The following SPTAN1 variants were observed in gnomAD, a reference collection of about 807,000 sequenced individuals.
The protein encoded by SPTAN1 is spectrin alpha chain, non-erythrocytic 1.
A neutral mutation model predicts 331.3 loss-of-function variants in SPTAN1; 61 were observed. That is an observed-to-expected ratio of 0.18 (90% CI 0.15 to 0.23). The LOEUF is 0.23. SPTAN1 is among the 10% of genes least tolerant of loss of function. The probability of loss-of-function intolerance (pLI) is 1.00; values close to 1 mark genes in which losing one functional copy is unlikely to be tolerated. For synonymous variants in SPTAN1, 1,153 were observed against 1,173.9 expected, an observed-to-expected ratio of 0.98 and a Z score of 0.36; for missense variants, 2,043 against 3,147.9, an observed-to-expected ratio of 0.65 and a Z score of 8.40.
intron 1 of SPTAN1, among the ~76,000 whole-genome samples, chr9:128,561,662 C>CAAAAAAAAAAAAA (rs762156669): frequency 0.076 from 1,215 of 15,970 alleles, 463 homozygotes; most frequent in East Asian, 0.11. Flanking sequence ...GACTCCGTCT[C>CAAAAAAAAAAAAA]AAAAAAAAAA....
Position 128,574,779 on chromosome 9 carries a change from A to T in SPTAN1, c.468A>T (p.Arg156=). 1 of 1,614,126 alleles carries T rather than the reference A, an allele frequency of 6.2e-7. No homozygotes were observed. Among genetic ancestry groups the T allele is most frequent in the Non-Finnish European group, 8.5e-7 (1 of 1,179,984 alleles). ...CCCAGAAGTTGGTGCAGTACTTACG[A>T]GAATGTGAGGACGTGATGGACTGGA... ...LQAQKLVQYL[R]ECEDVMDWIN... Residue 156 remains arginine (R), a synonymous_variant, in exon 4 of 57, where the codon CGA becomes CGT. Transcript: ENST00000372739.
At chr9:128,598,874 C>T in intron 25 of SPTAN1, 89 bp from the exon 26 acceptor site, 3 of 1,182,778 alleles carry the variant, frequency 2.5e-6, no homozygotes, top group South Asian at 2.4e-5. Context: ...GGAATTATCT[C>T]CTGTGTTTCC....
chr9:128,631,769 G>A (rs1033317092), intron 52 of SPTAN1: 3 of 278,512 alleles, frequency 1.1e-5, no homozygotes, highest in Non-Finnish European at 2.1e-5. Context: ...TGCAGTGAGC[G>A]TGATTGCGCC....
Position 128,604,424 on chromosome 9 carries a change from G to A in SPTAN1, c.3719+7G>A. ...AAGTACAGAGGTTCCACAGGTGAGG[G>A]GTCAGCCCTGGGCTGGGAGAGGGAG... is the stretch of plus-strand genomic sequence containing the variant. On this transcript the variant is annotated splice_region_variant and intron_variant, in intron 29 of 56. Transcript: ENST00000372739. 1 of 1,611,700 alleles carries A rather than the reference G, an allele frequency of 6.2e-7. No individual in the cohort carries two copies. The highest frequency in any genetic ancestry group is 8.5e-7 in the Non-Finnish European group (1 of 1,178,970).
chr9:128,578,845 A>T (rs2131045540), intron 9 of SPTAN1, among the ~76,000 whole-genome samples: 1 of 152,180 alleles, frequency 6.6e-6, no homozygotes, highest in South Asian at 2.1e-4. Context: ...GAAAAAAAAA[A>T]AAAAAAAAAC....
At position 128,600,343 on chromosome 9, in the gene SPTAN1, A is replaced by G. The variant is rs78117059; in HGVS notation, c.3579+228A>G. Among the ~76,000 whole-genome samples, 956 of 152,284 alleles carry G rather than the reference A, an allele frequency of 6.3e-3. 5 individuals carry two copies. The highest frequency in any genetic ancestry group is 0.011 in the Non-Finnish European group (718 of 68,020). On this transcript the variant is annotated intron_variant, in intron 27 of 56. Transcript: ENST00000372739. ...TACAGTTAGGTTGCATTGATTACCC[A>G]TGTTGGTGCAGGATATGCTGCAGCA... is the stretch of plus-strand genomic sequence containing the variant.
In SPTAN1 at chr9:128,581,016, A is replaced by G. The variant is rs200948972; in HGVS notation, c.1418A>G (p.Tyr473Cys). The change falls in exon 11 of 57, where the codon TAC becomes TGC. Residue 473 changes from tyrosine to cysteine, a missense_variant. Tyr to Cys is a radical substitution (Grantham distance 194). Around this residue, in one of 12 missense-constraint regions of SPTAN1, gnomAD observed 1,038 missense variants for 1,531.5 expected, o/e 0.68. Transcript: ENST00000372739. Reference protein sequence around the residue: ...YEQCMDLQLFYRDTEQVDNWM... With the variant: ...YEQCMDLQLFCRDTEQVDNWM... ...CAGTGCATGGACCTGCAGCTCTTCTACCGGGACACTGAGCAGGTGGACAAC... is the reference window on the plus strand; with the variant it reads ...CAGTGCATGGACCTGCAGCTCTTCTGCCGGGACACTGAGCAGGTGGACAAC... 8.7e-6 allele frequency: 14 copies of G among 1,614,114 alleles called. No individual in the cohort carries two copies. The East Asian group carries it at 2.2e-4, about 26-fold the overall frequency.
In SPTAN1 at chr9:128,576,965, C is replaced by T. The variant is rs764744093; in HGVS notation, c.785+9C>T. 1 of 1,614,094 alleles carries T rather than the reference C, an allele frequency of 6.2e-7. No individual in the cohort carries two copies. The highest frequency in any genetic ancestry group is 1.3e-5 in the African/African-American group (1 of 75,040). ...GTTCAGCGCTTTAACAGGTGTCAAG[C>T]CAGAGTGGGCTTTGGGGAATGGGTC... On this transcript the variant is annotated intron_variant, in intron 6 of 56. Transcript: ENST00000372739.
At chr9:128,579,037 CT>C (rs1443674800) in intron 9 of SPTAN1, among the ~76,000 whole-genome samples, 1 of 151,970 alleles carries the variant, frequency 6.6e-6, no homozygotes, top group African/African-American at 2.4e-5. Flanking sequence ...AACTATAAAA[CT>C]TTGTTAAAAG....
chr9:128,605,370 G>T lies in SPTAN1; in HGVS notation c.3939G>T (p.Lys1313Asn). 6.2e-7 allele frequency: 1 copy of T among 1,614,224 alleles called. No individual in the cohort carries two copies. The highest frequency in any genetic ancestry group is 1.7e-5 in the Admixed American group (1 of 60,016). ...AGTCAGCAGAAGACCTGCAGGAAAA[G>T]TGCACAGAGTTAAACCAGGCCTGGA... ...HPESAEDLQE[K>N]CTELNQAWSS... is the part of the protein sequence containing the mutation. Residue 1313 changes from lysine (K) to asparagine (N), a missense_variant, in exon 31 of 57, where the codon AAG becomes AAT. Physicochemically the swap from Lys to Asn is moderately conservative, Grantham distance 94. Coordinates refer to ENST00000372739, the MANE Select transcript of SPTAN1 (RefSeq NM_001130438.3).
chr9:128,606,760 A>T (rs1410761671), intron 31 of SPTAN1, among the ~76,000 whole-genome samples: 2 of 152,094 alleles, frequency 1.3e-5, no homozygotes, highest in Non-Finnish European at 2.9e-5. Context: ...TGCTGGGATT[A>T]CAGGCGTGAG....
intron 4 of SPTAN1, 39 bp from the exon 5 acceptor site, chr9:128,575,160 T>G: frequency 6.2e-7 from 1 of 1,613,860 alleles, no homozygotes; most frequent in Non-Finnish European, 8.5e-7. Context: ...TTAACAAATG[T>G]TGGTTGGTGA....
intron 31 of SPTAN1, among the ~76,000 whole-genome samples, chr9:128,607,215 A>G (rs10760567): frequency 0.99 from 150,856 of 151,980 alleles, 74,883 homozygotes; most frequent in Middle Eastern, 1. Flanking sequence ...CATTGCCCAA[A>G]CTGATCTTGA....
intron 27 of SPTAN1, among the ~76,000 whole-genome samples, chr9:128,602,619 A>G (rs1173541372): frequency 2.6e-5 from 4 of 151,024 alleles, no homozygotes; most frequent in Non-Finnish European, 5.9e-5. Context: ...GACTTTATTT[A>G]TTTGTTTTTA....
At chr9:128,583,592 G>A (rs950813803) in intron 15 of SPTAN1, among the ~76,000 whole-genome samples, 196 bp from the exon 16 acceptor site, 2 of 152,128 alleles carry the variant, frequency 1.3e-5, no homozygotes, top group African/African-American at 4.8e-5. Flanking sequence ...ATCTCAAGGG[G>A]GTTAGAATGC....
chr9:128,596,957 C>G (rs1393387082), intron 24 of SPTAN1, among the ~76,000 whole-genome samples: 1 of 152,146 alleles, frequency 6.6e-6, no homozygotes, highest in Non-Finnish European at 1.5e-5. Flanking sequence ...GTCAGGAGTT[C>G]GAGACTAGCC....
chr9:128,597,754 G>A (rs1386108718), intron 24 of SPTAN1, among the ~76,000 whole-genome samples: 4 of 152,152 alleles, frequency 2.6e-5, no homozygotes, highest in Admixed American at 1.3e-4. Context: ...CGGTTCAAGC[G>A]ATTCTCCTGC....
In SPTAN1 at chr9:128,611,818, C is replaced by T. The variant is rs1216788560; in HGVS notation, c.4878C>T (p.Ala1626=). 1.9e-6 allele frequency: 3 copies of T among 1,614,168 alleles called. No individual in the cohort carries two copies. The highest frequency in any genetic ancestry group is 4.5e-5 in the East Asian group (2 of 44,870). ...DMGNSLIERG[A]CAGSEDAVKA... Reference sequence around the variant, plus strand: ...GCAACTCCCTCATTGAACGTGGAGCCTGTGCCGGCAGTGAGGATGCTGTCA... The same window carrying T: ...GCAACTCCCTCATTGAACGTGGAGCTTGTGCCGGCAGTGAGGATGCTGTCA... The change falls in exon 38 of 57, where the codon GCC becomes GCT. Residue 1626 remains alanine, a synonymous_variant. Transcript: ENST00000372739.
At chr9:128,585,623 A>G in intron 18 of SPTAN1, 125 bp from the exon 19 acceptor site, 2 of 828,278 alleles carry the variant, frequency 2.4e-6, no homozygotes, top group Non-Finnish European at 4.0e-6. Flanking sequence ...TGGAATTATG[A>G]AAGGGCACAG....
Sources: gnomAD v4.1 joint callset for allele counts (sites outside exome capture counted in the v4.1 genomes callset) on GRCh38, gnomAD v4.1.1 for gene constraint, gnomAD v4.1.1 regional missense constraint, MANE v1.5 for transcripts, NCBI Gene and HGNC (gene_info 2026-07-23, HGNC 2026-07-21) for gene names.